The following PCNX2 variants were observed in gnomAD, a reference collection of about 807,000 sequenced individuals.
PCNX2 encodes the protein pecanex 2.
PCNX2 carries 168 observed loss-of-function variants against 223.8 expected under a neutral mutation model. That is an observed-to-expected ratio of 0.75 (90% CI 0.66 to 0.85). The LOEUF (loss-of-function observed/expected upper bound fraction) is 0.85. Ranked by LOEUF, PCNX2 falls within the 40% of genes least tolerant of loss-of-function variation. PCNX2 has a pLI of 0.00. For missense variants in PCNX2, 2,507 were observed against 2,675.5 expected (o/e 0.94, Z 1.39); for synonymous variants, 1,006 against 1,052.6 (o/e 0.96, Z 0.86).
chr1:233,277,130 T>C (rs1447864004), intron 1 of PCNX2, among the ~76,000 whole-genome samples: 1 of 152,158 alleles, frequency 6.6e-6, no homozygotes, highest in Non-Finnish European at 1.5e-5. Flanking sequence ...AGAAAGCCTG[T>C]GCAGCTGACT....
chr1:233,186,517 G>A (rs1024808324), intron 15 of PCNX2, among the ~76,000 whole-genome samples: 1 of 152,030 alleles, frequency 6.6e-6, no homozygotes, highest in African/African-American at 2.4e-5. Context: ...TGGCATCCCC[G>A]AACCCCTAGA....
intron 32 of PCNX2, among the ~76,000 whole-genome samples, chr1:232,994,653 C>T (rs1669814158): frequency 6.6e-6 from 1 of 152,048 alleles, no homozygotes; most frequent in Non-Finnish European, 1.5e-5. Context: ...TATGGTTGAG[C>T]TCTGTATCCC....
Position 233,258,356 on chromosome 1 carries a change from G to T in PCNX2, c.1506C>A (p.Ser502=), listed in dbSNP as rs368875399. The T allele has an allele frequency of 5.0e-6, 8 of 1,613,832 alleles. No homozygotes were observed. The highest frequency in any genetic ancestry group is 3.3e-5 in the Admixed American group (2 of 60,002). ...SVSRLTPDTG[S]ESKVGKEGQT... ...GGCCTTCCTTCCCCACCTTAGACTC[G>T]GAGCCTGTATCAGGTGTAAGCCGGG... is the stretch of plus-strand genomic sequence containing the variant. The change falls in exon 5 of 34, where the codon TCC becomes TCA. Residue 502 remains serine, a synonymous_variant. Transcript: ENST00000258229.
intron 1 of PCNX2, 136 bp from the exon 2 acceptor site, chr1:233,263,299 T>C (rs1167570674): frequency 1.3e-6 from 1 of 781,564 alleles, no homozygotes; most frequent in African/African-American, 1.8e-5. Context: ...TTTTAAGTTT[T>C]CCTGGTTAAA....
At position 233,200,226 on chromosome 1, in the gene PCNX2, G is replaced by A; in HGVS notation, c.2902C>T (p.Leu968Phe). ...YCFPAISLLG[L>F]FPQINTFCTY... is the part of the protein sequence containing the mutation. Reference sequence around the variant, plus strand: ...CAGAAAGTGTTGATTTGCGGGAAGAGCCCAAGGAGGGAAATAGCAGGGAAG... The same window carrying A: ...CAGAAAGTGTTGATTTGCGGGAAGAACCCAAGGAGGGAAATAGCAGGGAAG... Residue 968 changes from leucine to phenylalanine, a missense_variant, in exon 14 of 34, where the codon CTC (leucine) becomes TTC (phenylalanine). Physicochemically the swap from Leu to Phe is conservative, Grantham distance 22. This residue lies in a region of PCNX2 where 1,372 missense variants were observed against 1,509.4 expected (regional missense o/e 0.91). Coordinates refer to ENST00000258229, the MANE Select transcript of PCNX2 (RefSeq NM_014801.4). 6.3e-7 allele frequency: 1 copy of A among 1,590,750 alleles called. No homozygotes were observed. The highest frequency in any genetic ancestry group is 1.8e-5 in the Admixed American group (1 of 56,436).
At chr1:233,320,912 T>C in the PCNX2 span, among the ~76,000 whole-genome samples, 1 of 152,140 alleles carries the variant, frequency 6.6e-6, no homozygotes, top group South Asian at 2.1e-4. Context: ...AAAATCCTGG[T>C]TGTTGCTTGG....
intron 8 of PCNX2, among the ~76,000 whole-genome samples, chr1:233,247,041 T>C (rs1659163952): frequency 6.6e-6 from 1 of 152,228 alleles, no homozygotes; most frequent in Non-Finnish European, 1.5e-5. Flanking sequence ...TGTGTCAGAC[T>C]CTGGGGAGAT....
At chr1:233,136,814 A>G (rs770900068) in intron 20 of PCNX2, among the ~76,000 whole-genome samples, 26 of 152,224 alleles carry the variant, frequency 1.7e-4, no homozygotes, top group Non-Finnish European at 3.5e-4. Flanking sequence ...AGAAACCCCA[A>G]TGATAAGGTA....
rs1424283727 is a variant in PCNX2, at chr1:233,227,362, G to A, written c.2368C>T (p.Gln790Ter). The change falls in exon 10 of 34, where the codon CAG (glutamine) becomes TAG (stop). Residue 790 changes from glutamine to a stop codon, truncating the protein, a stop_gained. Coordinates refer to ENST00000258229, the MANE Select transcript of PCNX2 (RefSeq NM_014801.4). LOFTEE classifies it high-confidence loss of function. ...TQSETPRHVSQDLEASSCSST... is the reference protein window; with the variant it reads ...TQSETPRHVS ...GAACATGACGAGGCTTCCAGATCCT[G>A]ACTCACATGCTTTTAGATACCAAAA... 1 of 1,612,334 alleles carries A rather than the reference G, an allele frequency of 6.2e-7. No individual in the cohort carries two copies. Among genetic ancestry groups the A allele is most frequent in the Admixed American group, 1.7e-5 (1 of 59,798 alleles).
At chr1:233,293,814 T>C (rs990679463) in intron 1 of PCNX2, 4 of 322,698 alleles carry the variant, frequency 1.2e-5, no homozygotes, top group Non-Finnish European at 1.8e-5. Context: ...TGAAGCTTGC[T>C]CAAGCTCATA....
chr1:233,250,759 A>C lies in PCNX2; in HGVS notation c.2202T>G (p.Asn734Lys). The C allele has an allele frequency of 6.2e-7, 1 of 1,607,036 alleles. No individual in the cohort carries two copies. The highest frequency in any genetic ancestry group is 8.5e-7 in the Non-Finnish European group (1 of 1,176,722). ...EGPLQPLPSN[N>K]DCLSQAREMQ... The stretch of plus-strand genomic sequence containing the variant: ...CTCACCGAGCCTGAGAGAGACAGTC[A>C]TTATTTGATGGTAGAGGCTGTAAAG... The change falls in exon 8 of 34, where the codon AAT (asparagine) becomes AAG (lysine). Residue 734 changes from asparagine to lysine, a missense_variant. Coordinates refer to ENST00000258229, the MANE Select transcript of PCNX2 (RefSeq NM_014801.4).
chr1:233,094,448 C>A (rs1674045451), intron 22 of PCNX2, among the ~76,000 whole-genome samples: 2 of 152,150 alleles, frequency 1.3e-5, no homozygotes, highest in East Asian at 1.9e-4. Context: ...TATAATTTTC[C>A]TTAGCTTGTT....
Position 233,025,353 on chromosome 1 carries a change from G to T in PCNX2, c.4398C>A (p.Asp1466Glu). Residue 1466 changes from aspartate (D) to glutamate (E), a missense_variant, in exon 26 of 34, where the codon GAC becomes GAA. Physicochemically the swap from Asp to Glu is conservative, Grantham distance 45 (BLOSUM62 2). Transcript: ENST00000258229. ...AGCAGCAGCAGCCTCTGTCCTCCTC[G>T]TCGCCCTCCATGATGGCTTCTACCT... ...QREVEAIMEG[D>E]EEDRGCCCCK... is the part of the protein sequence containing the mutation. 6.2e-7 allele frequency: 1 copy of T among 1,613,968 alleles called. No individual in the cohort carries two copies. The highest frequency in any genetic ancestry group is 8.5e-7 in the Non-Finnish European group (1 of 1,179,874).
intron 13 of PCNX2, among the ~76,000 whole-genome samples, chr1:233,206,956 A>T (rs1453793934): frequency 6.6e-6 from 1 of 151,938 alleles, no homozygotes; most frequent in African/African-American, 2.4e-5. Context: ...GGTTGCTGTG[A>T]GCCAAGATTG....
intron 1 of PCNX2, among the ~76,000 whole-genome samples, chr1:233,278,209 C>T (rs1451010694): frequency 6.6e-6 from 1 of 152,206 alleles, no homozygotes; most frequent in Non-Finnish European, 1.5e-5. Flanking sequence ...CTGCAGCAAG[C>T]ATGTTAAGCC....
chr1:233,197,122 G>C (rs1269218326), intron 15 of PCNX2, among the ~76,000 whole-genome samples: 1 of 152,184 alleles, frequency 6.6e-6, no homozygotes, highest in Non-Finnish European at 1.5e-5. Flanking sequence ...TAGGGGAAGA[G>C]ACTGACTACA....
At chr1:233,043,544 T>C (rs1449854273) in intron 25 of PCNX2, among the ~76,000 whole-genome samples, 1 of 146,964 alleles carries the variant, frequency 6.8e-6, no homozygotes, top group East Asian at 2.0e-4. Flanking sequence ...CTCCTAAAGC[T>C]ATCCCTCCTC....
At chr1:233,104,249 C>T (rs1380962110) in intron 21 of PCNX2, among the ~76,000 whole-genome samples, 1 of 152,064 alleles carries the variant, frequency 6.6e-6, no homozygotes, top group Non-Finnish European at 1.5e-5. Context: ...AAAATACAGA[C>T]TCTCGGTCTG....
chr1:233,252,402 G>C lies in PCNX2; in HGVS notation c.2080C>G (p.Gln694Glu). 6.2e-7 allele frequency: 1 copy of C among 1,613,770 alleles called. No homozygotes were observed. Among genetic ancestry groups the C allele is most frequent in the South Asian group, 1.1e-5 (1 of 91,072 alleles). Residue 694 changes from glutamine (Q) to glutamate (E), a missense_variant, in exon 7 of 34, where the codon CAA becomes GAA. By Grantham distance (29) the Gln-to-Glu change is conservative (BLOSUM62 2). This residue lies in a region of PCNX2 where 1,031 missense variants were observed against 1,021.7 expected (regional missense o/e 1.01). Coordinates refer to ENST00000258229, the MANE Select transcript of PCNX2 (RefSeq NM_014801.4). ...QVISGPETSV[Q>E]EEISVDAMHV... ...ATAGCATCCACAGATATCTCTTCTT[G>C]TACAGATGTTTCAGGCCCACTGATG... is the stretch of plus-strand genomic sequence containing the variant.
Sources: gnomAD v4.1 joint callset for allele counts (sites outside exome capture counted in the v4.1 genomes callset) on GRCh38, gnomAD v4.1.1 for gene constraint, gnomAD v4.1.1 regional missense constraint, MANE v1.5 for transcripts, NCBI Gene and HGNC (gene_info 2026-07-23, HGNC 2026-07-21) for gene names.